Variants in LY86 observed in about 807,000 individuals in gnomAD.
LY86 encodes MD-1, RP105-associated.
A neutral mutation model predicts 17.3 loss-of-function variants in LY86; 20 were observed. The ratio of observed to expected loss-of-function variants is 1.15; its 90% confidence interval spans 0.81 to 1.68. LY86 has a LOEUF of 1.68. Among genes scored for constraint, LY86 ranks in the 40% most tolerant of loss-of-function variants. LY86 has a pLI of 0.00. For synonymous variants in LY86, 74 were observed against 70.6 expected (o/e 1.05, Z -0.24); for missense variants, 200 against 191.9 (o/e 1.04, Z -0.25).
At chr6:6,611,652 G>C (rs1435752514) in intron 1 of LY86, among the ~76,000 whole-genome samples, 1 of 152,206 alleles carries the variant, frequency 6.6e-6, no homozygotes, top group Non-Finnish European at 1.5e-5. Context: ...GTGCCTCCCT[G>C]TTCTCTCACC....
At position 6,644,385 on chromosome 6, in the gene LY86, A is replaced by G. The variant is rs376669790; in HGVS notation, c.353-5240A>G. On this transcript the variant is annotated intron_variant, in intron 3 of 4. Transcript: ENST00000230568. Reference sequence around the variant, plus strand: ...CAAAAAACTAGGCGTGTATGGTGGCACGCACTTGTAGTCTCAGCTACTCAG... The same window carrying G: ...CAAAAAACTAGGCGTGTATGGTGGCGCGCACTTGTAGTCTCAGCTACTCAG... Among the ~76,000 whole-genome samples, 7 of 152,244 alleles carry G rather than the reference A, an allele frequency of 4.6e-5. No individual in the cohort carries two copies. The East Asian group carries it at 7.7e-4, about 17-fold the overall frequency.
intron 3 of LY86, among the ~76,000 whole-genome samples, chr6:6,643,019 G>C (rs1052241978): frequency 1.3e-5 from 2 of 152,224 alleles, no homozygotes; most frequent in African/African-American, 2.4e-5. Flanking sequence ...TCACCTGGAG[G>C]GGAGAGTGAG....
intron 1 of LY86, among the ~76,000 whole-genome samples, chr6:6,612,520 A>AG (rs397953367): frequency 4.6e-5 from 7 of 151,976 alleles, no homozygotes; most frequent in African/African-American, 1.7e-4. Flanking sequence ...AAAAAGCAAA[A>AG]GAACAAACCA....
chr6:6,589,704 TCTC>T (rs879468324), intron 1 of LY86, among the ~76,000 whole-genome samples: 3 of 152,182 alleles, frequency 2.0e-5, no homozygotes, highest in Non-Finnish European at 4.4e-5. Flanking sequence ...CTTCTCCCTG[TCTC>T]CTCATGTGCT....
chr6:6,649,967 G>T (rs911517446), intron 4 of LY86, among the ~76,000 whole-genome samples: 1 of 152,172 alleles, frequency 6.6e-6, no homozygotes, highest in African/African-American at 2.4e-5. Flanking sequence ...CACTGAGAGG[G>T]ATGCCGGCGT....
chr6:6,612,115 C>T (rs749351667), intron 1 of LY86, among the ~76,000 whole-genome samples: 2 of 152,114 alleles, frequency 1.3e-5, no homozygotes, highest in Non-Finnish European at 2.9e-5. Context: ...TGATTATTTC[C>T]AAAAATCAGC....
chr6:6,604,619 T>C (rs1408055304), intron 1 of LY86, among the ~76,000 whole-genome samples: 1 of 151,884 alleles, frequency 6.6e-6, no homozygotes, highest in Non-Finnish European at 1.5e-5. Context: ...TGAAGAAAAA[T>C]GCTGAAAATT....
intron 1 of LY86, among the ~76,000 whole-genome samples, chr6:6,614,367 A>G (rs1761494002): frequency 6.9e-6 from 1 of 145,684 alleles, no homozygotes; most frequent in African/African-American, 2.6e-5. Context: ...TTTTATTTAT[A>G]ATCACGTCTC....
At chr6:6,619,885 GAGA>G (rs778344391) in intron 1 of LY86, among the ~76,000 whole-genome samples, 5 of 152,090 alleles carry the variant, frequency 3.3e-5, no homozygotes, top group Non-Finnish European at 7.3e-5. Context: ...GACAGGAAGA[GAGA>G]AGAGGAGAGC....
At chr6:6,595,527 C>G (rs1760685551) in intron 1 of LY86, among the ~76,000 whole-genome samples, 1 of 150,422 alleles carries the variant, frequency 6.6e-6, no homozygotes, top group Admixed American at 6.6e-5. Context: ...CCCCACCCCA[C>G]CCCAGCCCCA....
intron 1 of LY86, among the ~76,000 whole-genome samples, chr6:6,609,679 A>AT (rs112914392): frequency 5.9e-5 from 9 of 151,908 alleles, no homozygotes; most frequent in African/African-American, 2.2e-4. Flanking sequence ...GTGCAAATTG[A>AT]TTTTTTTCCT....
chr6:6,629,282 A>G (rs1208604219), intron 3 of LY86, among the ~76,000 whole-genome samples: 2 of 152,256 alleles, frequency 1.3e-5, no homozygotes, highest in African/African-American at 4.8e-5. Flanking sequence ...TATGTAAACT[A>G]TGTAAGTCAG....
chr6:6,638,197 A>C (rs888618577), intron 3 of LY86, among the ~76,000 whole-genome samples: 1 of 152,242 alleles, frequency 6.6e-6, no homozygotes, highest in African/African-American at 2.4e-5. Context: ...TACACACCGG[A>C]TTTTGAAGAC....
At chr6:6,616,997 C>T (rs915423254) in intron 1 of LY86, among the ~76,000 whole-genome samples, 2 of 152,228 alleles carry the variant, frequency 1.3e-5, no homozygotes, top group Non-Finnish European at 2.9e-5. Flanking sequence ...GTGGTGAAAT[C>T]CACATTGGCA....
At chr6:6,614,632 T>G (rs1298387150) in intron 1 of LY86, among the ~76,000 whole-genome samples, 1 of 152,102 alleles carries the variant, frequency 6.6e-6, no homozygotes, top group South Asian at 2.1e-4. Flanking sequence ...CTCCGCTAGC[T>G]CTCCTTGCTC....
rs778797676 is a variant in LY86, at chr6:6,588,878, C to T, written c.136+8C>T. The T allele has an allele frequency of 4.7e-5, 76 of 1,613,484 alleles. No homozygotes were observed. In the South Asian group the frequency reaches 8.3e-4, roughly 18 times the overall value. On this transcript the variant is annotated splice_region_variant and intron_variant, in intron 1 of 4. Coordinates refer to ENST00000230568, the MANE Select transcript of LY86 (RefSeq NM_004271.4). Reference sequence around the variant, plus strand: ...TGCTCTACCAGAGTTGCGGTAAGCCCTTGCAGTACACCCATGTGTGTTTAT... The same window carrying T: ...TGCTCTACCAGAGTTGCGGTAAGCCTTTGCAGTACACCCATGTGTGTTTAT...
intron 1 of LY86, among the ~76,000 whole-genome samples, chr6:6,593,285 CTTCT>C (rs1760589216): frequency 6.6e-6 from 1 of 152,240 alleles, no homozygotes; most frequent in Admixed American, 6.5e-5. Context: ...ATCTTGCTTC[CTTCT>C]ATCATCACAT....
intron 1 of LY86, among the ~76,000 whole-genome samples, chr6:6,603,605 GAAAA>G (rs1180805376): frequency 9.5e-6 from 1 of 104,998 alleles, no homozygotes; most frequent in African/African-American, 3.7e-5. Flanking sequence ...AACAGAAACA[GAAAA>G]AAAAACAAAC....
intron 1 of LY86, among the ~76,000 whole-genome samples, chr6:6,603,608 A>C (rs56047888): frequency 0.27 from 26,447 of 99,146 alleles, 3,984 homozygotes; most frequent in Non-Finnish European, 0.4. Flanking sequence ...AGAAACAGAA[A>C]AAAAAACAAA....
Sources: gnomAD v4.1 joint callset for allele counts (sites outside exome capture counted in the v4.1 genomes callset) on GRCh38, gnomAD v4.1.1 for gene constraint, MANE v1.5 for transcripts, NCBI Gene and HGNC (gene_info 2026-07-23, HGNC 2026-07-21) for gene names.